The following DNAH7 variants were observed in gnomAD, a reference collection of about 807,000 sequenced individuals.
The protein encoded by DNAH7 is dynein axonemal heavy chain 7, also known as axonemal beta dynein heavy chain 7.
A neutral mutation model predicts 444.6 loss-of-function variants in DNAH7; 397 were observed. That is an observed-to-expected ratio of 0.89 (90% confidence interval 0.82 to 0.97). The LOEUF (loss-of-function observed/expected upper bound fraction) is 0.97. DNAH7 is among the 50% of genes least tolerant of loss of function. The pLI is 0.00. For synonymous variants in DNAH7, 1,636 were observed against 1,624.4 expected, an observed-to-expected ratio of 1.01 and a Z score of -0.17; for missense variants, 4,902 against 4,800.8, an observed-to-expected ratio of 1.02 and a Z score of -0.62.
intron 51 of DNAH7, among the ~76,000 whole-genome samples, chr2:195,814,896 G>A (rs1053392202): frequency 5.3e-5 from 8 of 151,628 alleles, no homozygotes; most frequent in Admixed American, 2.0e-4. Flanking sequence ...CCACACCACC[G>A]TGCCCAGCTA....
chr2:195,872,309 A>G lies in DNAH7; in HGVS notation c.6574T>C (p.Leu2192=). 6.2e-7 allele frequency: 1 copy of G among 1,613,952 alleles called. No individual in the cohort carries two copies. The highest frequency in any genetic ancestry group is 8.5e-7 in the Non-Finnish European group (1 of 1,179,932). ...GTTTCTGTTGTTTCTGGTCTTGACAAACAAACACCTTGAATGACACGGGAG... is the reference window on the plus strand; with the variant it reads ...GTTTCTGTTGTTTCTGGTCTTGACAGACAAACACCTTGAATGACACGGGAG... ...DFSRVIQGVC[L]SRPETTETTE... is the part of the protein sequence containing the mutation. The change falls in exon 40 of 65, where the codon TTG becomes CTG. Residue 2192 remains leucine (L), a synonymous_variant. Transcript: ENST00000312428.
intron 51 of DNAH7, among the ~76,000 whole-genome samples, chr2:195,814,749 T>C (rs1697143925): frequency 6.6e-6 from 1 of 152,106 alleles, no homozygotes; most frequent in Admixed American, 6.5e-5. Context: ...AATTTTTTTT[T>C]TTCTTTTGGA....
intron 14 of DNAH7, 70 bp from the exon 15 acceptor site, chr2:195,984,780 A>G (rs1049463431): frequency 2.2e-6 from 3 of 1,371,666 alleles, no homozygotes; most frequent in African/African-American, 2.9e-5. Context: ...ATTCCTGTAT[A>G]CTGTTTAAAT....
chr2:195,965,275 G>A (rs187024712), intron 17 of DNAH7, among the ~76,000 whole-genome samples: 2 of 152,268 alleles, frequency 1.3e-5, no homozygotes, highest in Admixed American at 1.3e-4. Context: ...CAAATTGATT[G>A]ATATGTTTAT....
chr2:195,985,270 G>T (rs1189455549), intron 14 of DNAH7, among the ~76,000 whole-genome samples: 2 of 152,206 alleles, frequency 1.3e-5, no homozygotes, highest in East Asian at 3.8e-4. Flanking sequence ...CAATTCTTCA[G>T]TAAGATTGGC....
At chr2:195,961,146 T>C (rs889990202) in intron 17 of DNAH7, among the ~76,000 whole-genome samples, 12 of 152,286 alleles carry the variant, frequency 7.9e-5, no homozygotes, top group African/African-American at 2.9e-4. Flanking sequence ...AATGTACATA[T>C]TTATGGTACA....
At chr2:195,934,486 T>A in intron 21 of DNAH7, 105 bp downstream of exon 21, 2 of 1,196,660 alleles carry the variant, frequency 1.7e-6, no homozygotes, top group African/African-American at 3.0e-5. Context: ...GGTAATTCCA[T>A]GCCTCCATTT....
chr2:195,780,046 T>C (rs530267270), intron 58 of DNAH7, among the ~76,000 whole-genome samples: 2 of 152,336 alleles, frequency 1.3e-5, no homozygotes, highest in South Asian at 4.1e-4. Context: ...TTTTAGTTTA[T>C]GAATGCAATG....
chr2:196,068,816 T>G lies in DNAH7; in HGVS notation c.-105A>C. The G allele has an allele frequency of 1.1e-5, 16 of 1,441,816 alleles. No homozygotes were observed. The highest frequency in any genetic ancestry group is 1.5e-5 in the Non-Finnish European group (16 of 1,060,710). 89.3% of individuals were successfully genotyped at this position (1,441,816 alleles called of 1,614,324 possible). A position where few individuals can be genotyped will look rare whatever the true frequency, so the allele number is the denominator to read the frequency against. ...CCCCGGGACTTGCAGCGGTCTCAGCTCCCTCCGCACCAGAGCCGTCTAGCG... is the reference window on the plus strand; with the variant it reads ...CCCCGGGACTTGCAGCGGTCTCAGCGCCCTCCGCACCAGAGCCGTCTAGCG... On this transcript the variant is annotated 5_prime_UTR_variant, in exon 1 of 65. Coordinates refer to ENST00000312428, the MANE Select transcript of DNAH7 (RefSeq NM_018897.3).
At chr2:195,973,268 C>T (rs1691968248) in intron 15 of DNAH7, among the ~76,000 whole-genome samples, 1 of 152,140 alleles carries the variant, frequency 6.6e-6, no homozygotes, top group Non-Finnish European at 1.5e-5. Flanking sequence ...TTCCAGTCCC[C>T]CTGGTACCAA....
intron 12 of DNAH7, among the ~76,000 whole-genome samples, chr2:195,997,378 G>A (rs941321989): frequency 6.6e-6 from 1 of 152,222 alleles, no homozygotes. Flanking sequence ...TGGGCATGGT[G>A]GCGCACACCA....
intron 45 of DNAH7, 65 bp downstream of exon 45, chr2:195,855,746 T>G: frequency 6.4e-7 from 1 of 1,565,744 alleles, no homozygotes; most frequent in Non-Finnish European, 8.7e-7. Flanking sequence ...TATGTGCTAG[T>G]ACGAACATCA....
chr2:195,781,172 G>C (rs1390476638), intron 58 of DNAH7, among the ~76,000 whole-genome samples: 1 of 152,126 alleles, frequency 6.6e-6, no homozygotes, highest in African/African-American at 2.4e-5. Flanking sequence ...CACACTGCCT[G>C]GGCTTGCGCT....
At chr2:195,859,244 G>GA (rs1325010795) in intron 42 of DNAH7, among the ~76,000 whole-genome samples, 3 of 152,040 alleles carry the variant, frequency 2.0e-5, no homozygotes, top group Admixed American at 1.3e-4. Flanking sequence ...TTCCAAATGT[G>GA]AAAAAATGAT....
chr2:195,921,620 A>G (rs1559226320), intron 24 of DNAH7, among the ~76,000 whole-genome samples: 2 of 152,144 alleles, frequency 1.3e-5, no homozygotes, highest in Non-Finnish European at 2.9e-5. Flanking sequence ...GTGCAGGATA[A>G]AAGACTACAC....
intron 1 of DNAH7, among the ~76,000 whole-genome samples, chr2:196,060,745 G>T (rs904594620): frequency 2.6e-5 from 4 of 152,098 alleles, no homozygotes; most frequent in African/African-American, 9.7e-5. Context: ...CTCTCATCAA[G>T]AGCTCTGATT....
At chr2:195,902,775 C>T (rs1004127289) in intron 27 of DNAH7, 1 of 152,054 alleles carries the variant, frequency 6.6e-6, no homozygotes, top group Non-Finnish European at 1.5e-5. Context: ...CCTCCACCAA[C>T]GATTGAACAA....
chr2:195,869,268 C>A (rs1420438061), intron 40 of DNAH7, among the ~76,000 whole-genome samples: 2 of 151,788 alleles, frequency 1.3e-5, no homozygotes, highest in East Asian at 3.9e-4. Context: ...TGTGGTTCCA[C>A]CCCAGTGCAC....
At chr2:195,891,857 T>C (rs1031701214) in intron 30 of DNAH7, 53 bp from the exon 31 acceptor site, 11 of 1,375,588 alleles carry the variant, frequency 8.0e-6, no homozygotes, top group Non-Finnish European at 9.7e-6. Flanking sequence ...TCTTTATTCA[T>C]AGAAAACATT....
Sources: allele counts gnomAD v4.1 joint callset (sites outside exome capture counted in the v4.1 genomes callset), GRCh38; gene constraint gnomAD v4.1.1; transcripts MANE v1.5; gene names NCBI Gene and HGNC (gene_info 2026-07-23, HGNC 2026-07-21).